The following BBS1 variants were observed in gnomAD, a reference collection of about 807,000 sequenced individuals.
BBS1 encodes BBSome complex member BBS1.
Under a neutral mutation model 73.9 loss-of-function variants are expected in BBS1, and 60 were observed. The observed-to-expected ratio is 0.81, with a 90% CI of 0.66 to 1.01. BBS1 has a LOEUF of 1.01. Among genes scored for constraint, BBS1 ranks in the 50% least tolerant of loss-of-function variants. The pLI is 0.00. For synonymous variants in BBS1, 283 were observed against 317.4 expected, an observed-to-expected ratio of 0.89 and a Z score of 1.15; for missense variants, 718 against 770.3, an observed-to-expected ratio of 0.93 and a Z score of 0.80.
At chr11:66,523,432 G>A (rs201805739) in intron 9 of BBS1, 24 bp from the exon 10 acceptor site, 301 of 1,614,004 alleles carry the variant, frequency 1.9e-4, no homozygotes, top group Non-Finnish European at 2.3e-4. Flanking sequence ...TCTGGGGCCA[G>A]ACAGTGTGTT....
At position 66,523,880 on chromosome 11, in the gene BBS1, C is replaced by T. The variant is rs2134797927; in HGVS notation, c.1108C>T (p.Pro370Ser). The change falls in exon 11 of 17, where the codon CCG becomes TCG. Residue 370 changes from proline to serine, a missense_variant and splice_region_variant. Physicochemically the swap from Pro to Ser is moderately conservative, Grantham distance 74 (BLOSUM62 -1). Coordinates refer to ENST00000318312, the MANE Select transcript of BBS1 (RefSeq NM_024649.5). The part of the protein sequence containing the change: ...DKALLNVIHT[P>S]DAVTSLCFGR... ...GGCCCTGCTCAATGTCATCCACACC[C>T]CGGTGAGCCCCATCTCCGGCATCTG... 3 of 1,613,012 alleles carry T rather than the reference C, an allele frequency of 1.9e-6. No individual in the cohort carries two copies. Among genetic ancestry groups the T allele is most frequent in the Non-Finnish European group, 2.5e-6 (3 of 1,180,022 alleles).
At chr11:66,517,113 G>A (rs956269063) in intron 7 of BBS1, among the ~76,000 whole-genome samples, 2 of 151,806 alleles carry the variant, frequency 1.3e-5, no homozygotes, top group African/African-American at 4.8e-5. Flanking sequence ...GCAGGGGAAT[G>A]GCGTTAACCC....
chr11:66,527,025 G>T, intron 13 of BBS1: 1 of 1,536,296 alleles, frequency 6.5e-7, no homozygotes, highest in Non-Finnish European at 8.7e-7. Context: ...GACAGCAAGA[G>T]CCCTTAGAAT....
At chr11:66,521,175 C>A in intron 8 of BBS1, 95 bp from the exon 9 acceptor site, 2 of 940,092 alleles carry the variant, frequency 2.1e-6, no homozygotes, top group East Asian at 4.8e-5. Context: ...GAGATTGGGA[C>A]TTTAGACCAG....
chr11:66,530,926 A>G lies in BBS1; in HGVS notation c.1506A>G (p.Thr502=). ...VQGLGPTFKL[T]LHLQNTSTTR... ...GCCTTGGCCCCACCTTTAAGCTCACACTTCACCTGCAGAACACCTCAACAA... is the reference window on the plus strand; with the variant it reads ...GCCTTGGCCCCACCTTTAAGCTCACGCTTCACCTGCAGAACACCTCAACAA... The change falls in exon 15 of 17, where the codon ACA becomes ACG. Residue 502 remains threonine, a synonymous_variant. Transcript: ENST00000318312. 6.2e-7 allele frequency: 1 copy of G among 1,614,012 alleles called. No individual in the cohort carries two copies. The highest frequency in any genetic ancestry group is 2.2e-5 in the East Asian group (1 of 44,852).
At chr11:66,523,642 T>TC in intron 10 of BBS1, 66 bp downstream of exon 10, 1 of 1,610,968 alleles carries the variant, frequency 6.2e-7, no homozygotes, top group South Asian at 1.1e-5. Flanking sequence ...GGCAAGAGAG[T>TC]CCTCTGGCTT....
At chr11:66,512,987 TG>T (rs1590755615) in intron 3 of BBS1, among the ~76,000 whole-genome samples, 1 of 149,780 alleles carries the variant, frequency 6.7e-6, no homozygotes, top group East Asian at 2.0e-4. Context: ...AAAAAAGAAA[TG>T]TTAAATATCT....
At chr11:66,514,705 A>G in intron 4 of BBS1, 27 bp downstream of exon 4, 1 of 1,605,588 alleles carries the variant, frequency 6.2e-7, no homozygotes, top group African/African-American at 1.3e-5. Flanking sequence ...GGAGTTGGGA[A>G]CCAGAAGGCA....
intron 13 of BBS1, among the ~76,000 whole-genome samples, chr11:66,528,861 G>A (rs528568392): frequency 3.8e-4 from 58 of 151,412 alleles, no homozygotes; most frequent in African/African-American, 1.4e-3. Flanking sequence ...CCAGCTACTC[G>A]GGAGGCTGAG....
chr11:66,526,106 C>G lies in BBS1; in HGVS notation c.1111-17C>G. The G allele has an allele frequency of 1.2e-6, 2 of 1,614,026 alleles. No individual in the cohort carries two copies. The highest frequency in any genetic ancestry group is 1.7e-6 in the Non-Finnish European group (2 of 1,179,876). On this transcript the variant is annotated splice_polypyrimidine_tract_variant and intron_variant, in intron 11 of 16. Coordinates refer to ENST00000318312, the MANE Select transcript of BBS1 (RefSeq NM_024649.5). ...TCCAAGATATTTCCCCAACTAAACTCTGACGTCTCCACATAGGATGCAGTG... is the reference window on the plus strand; with the variant it reads ...TCCAAGATATTTCCCCAACTAAACTGTGACGTCTCCACATAGGATGCAGTG...
Position 66,526,670 on chromosome 11 carries a change from TC to T in BBS1, c.1204del (p.Leu402Ter), listed in dbSNP as rs757076154. 1 of 1,614,198 alleles carries T rather than the reference TC, an allele frequency of 6.2e-7. No homozygotes were observed. Among genetic ancestry groups the T allele is most frequent in the South Asian group, 1.1e-5 (1 of 91,088 alleles). ...CTAGGTGGTGGCCTGATCATCAAGA[TC>T]CTGAAGCGTACAGCAGTGTTTGTAG... ...TTRGGGLIIK[I>X]LKRTAVFVEG... On this transcript the variant is annotated frameshift_variant, in exon 13 of 17. Coordinates refer to ENST00000318312, the MANE Select transcript of BBS1 (RefSeq NM_024649.5). LOFTEE classifies it high-confidence loss of function.
chr11:66,528,429 T>A (rs1856613034), intron 13 of BBS1, among the ~76,000 whole-genome samples: 1 of 151,940 alleles, frequency 6.6e-6, no homozygotes, highest in South Asian at 2.1e-4. Flanking sequence ...CTAAGAAGAT[T>A]GGGGAAAATA....
At chr11:66,521,444 C>A in intron 9 of BBS1, 68 bp downstream of exon 9, 1 of 1,266,850 alleles carries the variant, frequency 7.9e-7, no homozygotes, top group Non-Finnish European at 1.1e-6. Flanking sequence ...CAGAGGCTTG[C>A]AAGATGAGAG....
At position 66,514,582 on chromosome 11, in the gene BBS1, CTATGTG is replaced by C; in HGVS notation, c.340_345del (p.Val114_Tyr115del). 6.2e-7 allele frequency: 1 copy of C among 1,614,066 alleles called. No homozygotes were observed. Among genetic ancestry groups the C allele is most frequent in the Non-Finnish European group, 8.5e-7 (1 of 1,180,040 alleles). The stretch of plus-strand genomic sequence containing the variant: ...TGGCACTTGCTTCAGGCCCTTGTGT[CTATGTG>C]TATAAGAATCTCAGACCCTACTTCA... On this transcript the variant is annotated inframe_deletion, in exon 4 of 17. Coordinates refer to ENST00000318312, the MANE Select transcript of BBS1 (RefSeq NM_024649.5).
At chr11:66,528,827 G>C (rs1311417810) in intron 13 of BBS1, among the ~76,000 whole-genome samples, 1 of 151,974 alleles carries the variant, frequency 6.6e-6, no homozygotes, top group African/African-American at 2.4e-5. Flanking sequence ...AATTAGCCAG[G>C]CTTGGCGGCG....
At chr11:66,515,073 C>T (rs1214349778) in intron 4 of BBS1, among the ~76,000 whole-genome samples, 1 of 152,136 alleles carries the variant, frequency 6.6e-6, no homozygotes, top group Admixed American at 6.6e-5. Context: ...CCACCTCGGC[C>T]TCCCAAAGTG....
Position 66,531,741 on chromosome 11 carries a change from A to G in BBS1, c.1694A>G (p.Lys565Arg), listed in dbSNP as rs1565291081. 1.2e-6 allele frequency: 2 copies of G among 1,613,854 alleles called. No homozygotes were observed. The highest frequency in any genetic ancestry group is 1.7e-6 in the Non-Finnish European group (2 of 1,179,942). ...LSNKGISDII[K>R]VLVLREGQSA... ...AACAAGGGCATCTCAGACATCATCA[A>G]GGTAGGCCCCGCACTTGTACCACGT... The change falls in exon 16 of 17, where the codon AAG (lysine) becomes AGG (arginine). Residue 565 changes from lysine to arginine, a missense_variant and splice_region_variant. Transcript: ENST00000318312.
At chr11:66,514,705 AC>A in intron 4 of BBS1, 27 bp downstream of exon 4, 2 of 1,605,588 alleles carry the variant, frequency 1.2e-6, no homozygotes, top group Non-Finnish European at 1.7e-6. Flanking sequence ...GGAGTTGGGA[AC>A]CAGAAGGCAA....
intron 13 of BBS1, chr11:66,529,300 C>T (rs1025186537): frequency 1.2e-5 from 18 of 1,535,544 alleles, no homozygotes; most frequent in Non-Finnish European, 1.4e-5. Context: ...GAGGCAGTGA[C>T]GGAGGCAGGA....
Sources: gnomAD v4.1 joint callset for allele counts (sites outside exome capture counted in the v4.1 genomes callset) on GRCh38, gnomAD v4.1.1 for gene constraint, MANE v1.5 for transcripts, NCBI Gene and HGNC (gene_info 2026-07-23, HGNC 2026-07-21) for gene names.